The following PCDHGB2 variants were observed in gnomAD, a reference collection of about 807,000 sequenced individuals.
The protein encoded by PCDHGB2 is protocadherin gamma subfamily B, 2.
Under a neutral mutation model 59.3 loss-of-function variants are expected in PCDHGB2, and 55 were observed. That is an observed-to-expected ratio of 0.93 (90% confidence interval 0.75 to 1.16). PCDHGB2 has a LOEUF of 1.16. Among genes scored for constraint, PCDHGB2 ranks in the 50% most tolerant of loss-of-function variants. The pLI is 0.00. For missense variants in PCDHGB2, 1,228 were observed against 1,198.5 expected, an observed-to-expected ratio of 1.02 and a Z score of -0.36; for synonymous variants, 516 against 512.0, an observed-to-expected ratio of 1.01 and a Z score of -0.11.
chr5:141,363,646 A>C (rs969938262), intron 1 of PCDHGB2, among the ~76,000 whole-genome samples: 2 of 152,252 alleles, frequency 1.3e-5, no homozygotes, highest in African/African-American at 4.8e-5. Flanking sequence ...CACAAGTAAC[A>C]AAGATCTTTA....
In PCDHGB2 at chr5:141,362,001, C is replaced by T; in HGVS notation, c.1866C>T (p.Arg622=). Residue 622 remains arginine (R), a synonymous_variant, in exon 1 of 4, where the codon CGC becomes CGT. Transcript: ENST00000522605. ...SEPGLFSLGL[R]TGEVRTARAL... ...CCGGGCTCTTCAGCCTGGGGTTGCG[C>T]ACGGGTGAGGTGCGCACAGCGCGTG... 1.9e-6 allele frequency: 3 copies of T among 1,603,878 alleles called. No individual in the cohort carries two copies. Among genetic ancestry groups the T allele is most frequent in the South Asian group, 1.1e-5 (1 of 90,764 alleles).
chr5:141,370,168 C>G (rs890245618), intron 1 of PCDHGB2: 7 of 458,078 alleles, frequency 1.5e-5, no homozygotes, highest in Non-Finnish European at 2.7e-5. Context: ...GCAGCAGAGG[C>G]GCCGGGTGCC....
intron 1 of PCDHGB2, chr5:141,388,571 C>G: frequency 9.3e-6 from 15 of 1,613,830 alleles, no homozygotes; most frequent in Non-Finnish European, 1.2e-5. Flanking sequence ...CACAGATACA[C>G]GTTCTAGTGA....
At chr5:141,400,234 G>T (rs749957043) in intron 1 of PCDHGB2, 6 of 1,613,868 alleles carry the variant, frequency 3.7e-6, no homozygotes, top group African/African-American at 1.3e-5. Context: ...CCTCCTGGCC[G>T]TGATTCTGGC....
intron 1 of PCDHGB2, chr5:141,388,729 G>A (rs1407038729): frequency 6.2e-7 from 1 of 1,614,012 alleles, no homozygotes; most frequent in Non-Finnish European, 8.5e-7. Flanking sequence ...TTCTCTTTCA[G>A]TGAAGCTAGC....
At chr5:141,366,725 GCAAA>G (rs1561539069) in intron 1 of PCDHGB2, 1 of 1,613,584 alleles carries the variant, frequency 6.2e-7, no homozygotes, top group East Asian at 2.2e-5. Context: ...TAAGGTAGAT[GCAAA>G]CAAAGAAGAA....
At chr5:141,389,117 G>A in intron 1 of PCDHGB2, 1 of 1,614,024 alleles carries the variant, frequency 6.2e-7, no homozygotes, top group Admixed American at 1.7e-5. Flanking sequence ...TAGACCGCGA[G>A]CAGAATCCAG....
chr5:141,495,752 C>G (rs1310125902), intron 2 of PCDHGB2, among the ~76,000 whole-genome samples: 1 of 152,150 alleles, frequency 6.6e-6, no homozygotes, highest in Non-Finnish European at 1.5e-5. Flanking sequence ...TTCTCTATCT[C>G]TGCCTCCCTG....
chr5:141,460,097 G>A (rs2098982102), intron 1 of PCDHGB2, among the ~76,000 whole-genome samples: 2 of 151,812 alleles, frequency 1.3e-5, no homozygotes, highest in African/African-American at 2.4e-5. Context: ...AATTATACAT[G>A]TAATTATATA....
At chr5:141,406,083 T>C (rs539696065) in intron 1 of PCDHGB2, among the ~76,000 whole-genome samples, 2 of 151,900 alleles carry the variant, frequency 1.3e-5, no homozygotes, top group South Asian at 4.2e-4. Flanking sequence ...TTTTTTTTTT[T>C]TTTTAAGAGA....
intron 1 of PCDHGB2, chr5:141,398,136 C>G: frequency 6.4e-7 from 1 of 1,556,004 alleles, no homozygotes; most frequent in Non-Finnish European, 8.6e-7. Flanking sequence ...GGATGGGGAG[C>G]GGCGCCGGGG....
rs182132552 is a variant in PCDHGB2 at position 141,435,146 on chromosome 5, T to A, written c.2422-59661T>A. Among the ~76,000 whole-genome samples the A allele has an allele frequency of 4.6e-3, 696 of 152,288 alleles. 5 individuals carry two copies. Among genetic ancestry groups the A allele is most frequent in the African/African-American group, 0.016 (677 of 41,554 alleles). ...ATGGAAAATATAAATAAAATTGTGA[T>A]AAACTTTTGTAAATAGAGTGGCTTT... On this transcript the variant is annotated intron_variant, in intron 1 of 3. Transcript: ENST00000522605.
chr5:141,361,812 G>T lies in PCDHGB2; in HGVS notation c.1677G>T (p.Ala559=), dbSNP rs748753973. The T allele has an allele frequency of 7.4e-6, 12 of 1,612,954 alleles. No individual in the cohort carries two copies. Among genetic ancestry groups the T allele is most frequent in the Admixed American group, 5.0e-5 (3 of 60,002 alleles). Residue 559 remains alanine (A), a synonymous_variant, in exon 1 of 4, where the codon GCG becomes GCT. Coordinates refer to ENST00000522605, the MANE Select transcript of PCDHGB2 (RefSeq NM_018923.3). ...RVLVGDLNDN[A]PRVLYPALGP... ...TAGTGGGCGACCTCAATGACAATGCGCCACGGGTGCTGTACCCCGCGCTGG... is the reference window on the plus strand; with the variant it reads ...TAGTGGGCGACCTCAATGACAATGCTCCACGGGTGCTGTACCCCGCGCTGG...
chr5:141,360,290 A>G lies in PCDHGB2; in HGVS notation c.155A>G (p.Lys52Arg). ...AACTCGGTCGTAGGAAACCTCGCCA[A>G]GGATCTGGGGCTCAGCGTCCGGGAC... is the stretch of plus-strand genomic sequence containing the variant. Reference protein sequence around the residue: ...AKNSVVGNLAKDLGLSVRDLP... With the variant: ...AKNSVVGNLARDLGLSVRDLP... Residue 52 changes from lysine to arginine, a missense_variant, in exon 1 of 4, where the codon AAG becomes AGG. Physicochemically the swap from Lys to Arg is conservative, Grantham distance 26 (BLOSUM62 2). Transcript: ENST00000522605. 4 of 1,614,018 alleles carry G rather than the reference A, an allele frequency of 2.5e-6. No homozygotes were observed. The highest frequency in any genetic ancestry group is 3.4e-6 in the Non-Finnish European group (4 of 1,179,898).
chr5:141,371,736 A>T (rs777064173), intron 1 of PCDHGB2: 4 of 1,614,042 alleles, frequency 2.5e-6, no homozygotes, highest in Non-Finnish European at 3.4e-6. Context: ...TGTCAACGAC[A>T]ACGTTCCCGT....
chr5:141,422,487 T>C lies in PCDHGB2; in HGVS notation c.2421+59931T>C, dbSNP rs1295400741. 5.0e-6 allele frequency: 8 copies of C among 1,613,938 alleles called. No individual in the cohort carries two copies. The East Asian group carries it at 1.8e-4, about 36-fold the overall frequency. ...ACAGGGAGTTGGTCCAGAGCTACAA[T>C]ATAACGTTGACAGCCACAGACCAGG... On this transcript the variant is annotated intron_variant, in intron 1 of 3. Coordinates refer to ENST00000522605, the MANE Select transcript of PCDHGB2 (RefSeq NM_018923.3).
intron 3 of PCDHGB2, among the ~76,000 whole-genome samples, chr5:141,508,624 G>A (rs552418899): frequency 3.3e-5 from 5 of 152,256 alleles, no homozygotes; most frequent in African/African-American, 9.6e-5. Context: ...TGGGTGGGCC[G>A]AGCTTCTAGC....
At chr5:141,398,506 A>G (rs2093664607) in intron 1 of PCDHGB2, 1 of 1,601,998 alleles carries the variant, frequency 6.2e-7, no homozygotes, top group South Asian at 1.1e-5. Context: ...CGAGGACATT[A>G]ATGACCACAC....
chr5:141,370,623 G>A (rs1269464778), intron 1 of PCDHGB2: 3 of 1,613,940 alleles, frequency 1.9e-6, no homozygotes, highest in East Asian at 2.2e-5. Flanking sequence ...ATTCTTTACC[G>A]TGAGCCCCGA....
Sources: allele counts gnomAD v4.1 joint callset (sites outside exome capture counted in the v4.1 genomes callset), GRCh38; gene constraint gnomAD v4.1.1; transcripts MANE v1.5; gene names NCBI Gene and HGNC (gene_info 2026-07-23, HGNC 2026-07-21).